The following ZNF277 variants were observed in gnomAD, a reference collection of about 807,000 sequenced individuals.
ZNF277 encodes zinc finger protein 277.
ZNF277 carries 55 observed loss-of-function variants against 60.7 expected under a neutral mutation model. The observed-to-expected ratio is 0.91, with a 90% CI of 0.73 to 1.13. ZNF277 has a LOEUF of 1.13. Among genes scored for constraint, ZNF277 ranks in the 50% most tolerant of loss-of-function variants. ZNF277 has a pLI of 0.00. For synonymous variants in ZNF277, 178 were observed against 179.3 expected, an observed-to-expected ratio of 0.99 and a Z score of 0.06; for missense variants, 510 against 523.0, an observed-to-expected ratio of 0.98 and a Z score of 0.24.
intron 5 of ZNF277, among the ~76,000 whole-genome samples, chr7:112,319,575 A>G (rs897042963): frequency 1.3e-5 from 2 of 150,984 alleles, no homozygotes; most frequent in Non-Finnish European, 3.0e-5. Context: ...CAGCACAGTA[A>G]CTGACATTGT....
chr7:112,316,643 A>G (rs955327491), intron 4 of ZNF277, among the ~76,000 whole-genome samples: 2 of 151,962 alleles, frequency 1.3e-5, no homozygotes, highest in African/African-American at 4.8e-5. Flanking sequence ...GCCCTTGCCT[A>G]TGTCCTGAAT....
intron 4 of ZNF277, among the ~76,000 whole-genome samples, chr7:112,310,454 T>TGAGAGAGAGAGAGAGAGAGAGAGAGAGA (rs377447375): frequency 3.8e-4 from 44 of 117,278 alleles, no homozygotes; most frequent in East Asian, 3.5e-3. Context: ...AGGTTAGGTT[T>TGAGAGAGAGAGAGAGAGAGAGAGAGAGA]GAGAGAGAGA....
intron 1 of ZNF277, among the ~76,000 whole-genome samples, chr7:112,240,428 T>C (rs1247255780): frequency 2.0e-5 from 3 of 152,202 alleles, no homozygotes; most frequent in African/African-American, 7.2e-5. Context: ...AATTGGATTG[T>C]TTGTAACACA....
intron 4 of ZNF277, among the ~76,000 whole-genome samples, chr7:112,299,833 T>A (rs886160558): frequency 1.3e-5 from 2 of 152,012 alleles, no homozygotes; most frequent in Admixed American, 1.3e-4. Context: ...CAAACTAGAG[T>A]ATTAGTAGGG....
chr7:112,336,268 G>A, intron 8 of ZNF277, 97 bp downstream of exon 8: 3 of 1,105,246 alleles, frequency 2.7e-6, no homozygotes, highest in Admixed American at 5.0e-5. Flanking sequence ...AACATAAGAA[G>A]AAAAAAATAC....
chr7:112,304,921 A>G (rs1032557874), intron 4 of ZNF277, among the ~76,000 whole-genome samples: 2 of 152,166 alleles, frequency 1.3e-5, no homozygotes, highest in Non-Finnish European at 2.9e-5. Flanking sequence ...CCAAGATCTC[A>G]AAGGATCTGG....
At chr7:112,216,096 G>A (rs1470302226) in intron 1 of ZNF277, among the ~76,000 whole-genome samples, 1 of 152,210 alleles carries the variant, frequency 6.6e-6, no homozygotes, top group African/African-American at 2.4e-5. Context: ...GTGAGAGTCT[G>A]CGGGCTTATT....
rs555655763 is a variant in ZNF277, at chr7:112,299,225, A to G, written c.465+2914A>G. On this transcript the variant is annotated intron_variant, in intron 4 of 11. Coordinates refer to ENST00000361822, the MANE Select transcript of ZNF277 (RefSeq NM_021994.3). ...TCTTCTGTGGGCGTTAGCAATGATT[A>G]TAGGATCTATCTCCTTTATAAAGAA... 2.0e-5 allele frequency among the ~76,000 whole-genome samples: 3 copies of G among 152,358 alleles called. No homozygotes were observed. The East Asian group carries it at 5.8e-4, about 29-fold the overall frequency.
At chr7:112,341,391 G>A (rs1793442197) in intron 11 of ZNF277, among the ~76,000 whole-genome samples, 1 of 152,020 alleles carries the variant, frequency 6.6e-6, no homozygotes, top group Non-Finnish European at 1.5e-5. Flanking sequence ...CTTTCTAATG[G>A]TTGCTAAATA....
intron 4 of ZNF277, among the ~76,000 whole-genome samples, chr7:112,300,701 T>C (rs951798091): frequency 1.3e-5 from 2 of 152,224 alleles, no homozygotes; most frequent in Non-Finnish European, 2.9e-5. Context: ...CATTTGGATT[T>C]CCAGTCCACA....
intron 1 of ZNF277, among the ~76,000 whole-genome samples, chr7:112,250,308 A>G (rs564210906): frequency 1.3e-5 from 2 of 152,198 alleles, no homozygotes; most frequent in Non-Finnish European, 2.9e-5. Context: ...GTCTCCTGAT[A>G]AGATGTTATC....
chr7:112,255,829 C>T (rs557330544), intron 1 of ZNF277, among the ~76,000 whole-genome samples: 14 of 152,298 alleles, frequency 9.2e-5, no homozygotes, highest in East Asian at 3.9e-4. Flanking sequence ...CTTCCGTATG[C>T]GCCTTGAAGT....
chr7:112,246,952 C>T (rs1435200576), intron 1 of ZNF277, among the ~76,000 whole-genome samples: 1 of 152,164 alleles, frequency 6.6e-6, no homozygotes, highest in Non-Finnish European at 1.5e-5. Context: ...TCATGCCCTG[C>T]TACCTGCTTT....
At chr7:112,248,300 A>C in intron 1 of ZNF277, among the ~76,000 whole-genome samples, 2 of 129,782 alleles carry the variant, frequency 1.5e-5, no homozygotes, top group African/African-American at 3.0e-5. Flanking sequence ...GGCTCTGAAT[A>C]GGGGGTGGGG....
Position 112,297,515 on chromosome 7 carries a change from G to A in ZNF277, c.465+1204G>A, listed in dbSNP as rs141249715. Among the ~76,000 whole-genome samples the A allele has an allele frequency of 2.6e-5, 4 of 152,254 alleles. No homozygotes were observed. The East Asian group carries it at 7.7e-4, about 29-fold the overall frequency. ...ATATAATTTAAGAAAGTCCCTGGAA[G>A]CATATTTTATTTTGTAGACATCCCA... On this transcript the variant is annotated intron_variant, in intron 4 of 11. Transcript: ENST00000361822.
rs1034804870 is a variant in ZNF277, at chr7:112,327,732, C to A, written c.573C>A (p.Asn191Lys). The change falls in exon 6 of 12, where the codon AAC becomes AAA. Residue 191 changes from asparagine to lysine, a missense_variant. Coordinates refer to ENST00000361822, the MANE Select transcript of ZNF277 (RefSeq NM_021994.3). ...TTCTTCCTAGATCTGTTATTTTGAA[C>A]CACATGGCCAGAGAACATGCTTTCA... ...EFLGNRSVIL[N>K]HMAREHAFNI... The A allele has an allele frequency of 1.2e-6, 2 of 1,611,198 alleles. No homozygotes were observed. Among genetic ancestry groups the A allele is most frequent in the Non-Finnish European group, 1.7e-6 (2 of 1,179,160 alleles).
intron 6 of ZNF277, 91 bp downstream of exon 6, chr7:112,327,918 A>G: frequency 1.2e-6 from 1 of 848,724 alleles, no homozygotes; most frequent in Non-Finnish European, 1.8e-6. Flanking sequence ...AGAGTAATTA[A>G]AGAAGTGGGA....
intron 6 of ZNF277, 126 bp downstream of exon 6, chr7:112,327,953 A>G: frequency 1.5e-6 from 1 of 664,706 alleles, no homozygotes; most frequent in East Asian, 2.9e-5. Flanking sequence ...AGGAGTTCAC[A>G]TTTTGTACGA....
At chr7:112,285,175 G>A (rs1035037665) in intron 1 of ZNF277, among the ~76,000 whole-genome samples, 10 of 151,458 alleles carry the variant, frequency 6.6e-5, no homozygotes, top group African/African-American at 2.2e-4. Flanking sequence ...GACTACAGGT[G>A]TGCACCACCA....
Sources: allele counts gnomAD v4.1 joint callset (sites outside exome capture counted in the v4.1 genomes callset), GRCh38; gene constraint gnomAD v4.1.1; transcripts MANE v1.5; gene names NCBI Gene and HGNC (gene_info 2026-07-23, HGNC 2026-07-21).